TPCN1: variants seen among roughly 807,000 people sequenced by gnomAD.
TPCN1 encodes the protein two pore segment channel 1.
TPCN1 carries 52 observed loss-of-function variants against 108.8 expected under a neutral mutation model. The ratio of observed to expected loss-of-function variants is 0.48; its 90% confidence interval spans 0.38 to 0.60. TPCN1 has a LOEUF of 0.60. Ranked by LOEUF, TPCN1 falls within the 20% of genes least tolerant of loss-of-function variation. The pLI is 0.00. For missense variants in TPCN1, 806 were observed against 1,072.8 expected (o/e 0.75, Z 3.47); for synonymous variants, 446 against 433.7 (o/e 1.03, Z -0.35).
At chr12:113,260,334 G>A in intron 2 of TPCN1, 34 bp from the exon 3 acceptor site, 1 of 1,473,870 alleles carries the variant, frequency 6.8e-7, no homozygotes, top group Non-Finnish European at 9.0e-7. Context: ...TTAAGCCTGG[G>A]TGCCAAGTGA....
intron 3 of TPCN1, among the ~76,000 whole-genome samples, chr12:113,261,775 T>C (rs1955048116): frequency 6.6e-6 from 1 of 152,222 alleles, no homozygotes; most frequent in Non-Finnish European, 1.5e-5. Context: ...CTAATTTACT[T>C]AACCTGATAA....
intron 2 of TPCN1, 200 bp from the exon 3 acceptor site, chr12:113,260,167 CT>C (rs1954972440): frequency 2.0e-6 from 1 of 494,010 alleles, no homozygotes; most frequent in Non-Finnish European, 3.3e-6. Context: ...GCTTTTTTCA[CT>C]TATCAAGAGA....
Position 113,252,307 on chromosome 12 carries a change from G to A in TPCN1, c.113-8061G>A, listed in dbSNP as rs543371450. ...AATGGCCTGCACCGTGGGACGCGTC[G>A]GGCCACCTGGTCCCAGGGATGCTGC... On this transcript the variant is annotated intron_variant, in intron 2 of 27. Transcript: ENST00000335509. 3.7e-3 allele frequency among the ~76,000 whole-genome samples: 556 copies of A among 152,244 alleles called. 2 individuals carry two copies. The highest frequency in any genetic ancestry group is 5.8e-3 in the Non-Finnish European group (397 of 68,018).
chr12:113,221,985 G>A (rs1005512001), intron 1 of TPCN1, among the ~76,000 whole-genome samples: 1 of 152,156 alleles, frequency 6.6e-6, no homozygotes, highest in Non-Finnish European at 1.5e-5. Context: ...GGGTCAGGCT[G>A]CCCCAGCGGA....
At position 113,276,952 on chromosome 12, in the gene TPCN1, A is replaced by AT; in HGVS notation, c.978dup (p.Glu327Ter). The stretch of plus-strand genomic sequence containing the variant: ...TGTGGTGTTCGACACCTTCAATGAC[A>AT]TTGAGAAACGCAAGTTCAAGTCTTT... On this transcript the variant is annotated frameshift_variant, in exon 11 of 28. Coordinates refer to ENST00000335509, the MANE Select transcript of TPCN1 (RefSeq NM_017901.6). LOFTEE classifies it high-confidence loss of function. 1.2e-6 allele frequency: 2 copies of AT among 1,613,996 alleles called. No homozygotes were observed. Among genetic ancestry groups the AT allele is most frequent in the Non-Finnish European group, 1.7e-6 (2 of 1,179,998 alleles).
chr12:113,239,816 CTG>C (rs1954035588), intron 2 of TPCN1, among the ~76,000 whole-genome samples: 1 of 152,214 alleles, frequency 6.6e-6, no homozygotes, highest in Non-Finnish European at 1.5e-5. Flanking sequence ...TGTAGACTGC[CTG>C]TCTCTCTTTT....
intron 7 of TPCN1, among the ~76,000 whole-genome samples, chr12:113,271,200 T>C (rs1213733518): frequency 6.6e-6 from 1 of 152,076 alleles, no homozygotes; most frequent in African/African-American, 2.4e-5. Flanking sequence ...CACCTGAGCA[T>C]GGGGAGACAG....
chr12:113,293,818 A>G (rs1956346055), intron 27 of TPCN1, among the ~76,000 whole-genome samples: 1 of 152,164 alleles, frequency 6.6e-6, no homozygotes, highest in Non-Finnish European at 1.5e-5. Flanking sequence ...AATAGGAAGA[A>G]GGCCCTACTG....
At chr12:113,250,574 C>T (rs1030514171) in intron 2 of TPCN1, among the ~76,000 whole-genome samples, 5 of 152,236 alleles carry the variant, frequency 3.3e-5, no homozygotes, top group African/African-American at 1.2e-4. Flanking sequence ...TAGGAGCTGA[C>T]CTTGGGCAGG....
rs988798592 is a variant in TPCN1 at position 113,286,059 on chromosome 12, G to A, written c.1526+98G>A. The stretch of plus-strand genomic sequence containing the variant: ...CTGATCCCGGGCCATTTCTGGAATC[G>A]CAGAGGGAGGGTCTGAGGATGGGCT... On this transcript the variant is annotated intron_variant, in intron 18 of 27. Transcript: ENST00000335509. 4.7e-5 allele frequency: 52 copies of A among 1,099,860 alleles called. No individual in the cohort carries two copies. The African/African-American group carries it at 5.5e-4, about 12-fold the overall frequency. The allele number at this position is 1,099,860 out of a possible 1,614,324, so 68.1% of individuals were successfully genotyped here. A position where few individuals can be genotyped will look rare whatever the true frequency, so the allele number is the denominator to read the frequency against.
intron 2 of TPCN1, chr12:113,244,171 A>G: frequency 3.0e-6 from 1 of 332,120 alleles, no homozygotes; most frequent in Non-Finnish European, 4.3e-6. Flanking sequence ...GAGGAGACAC[A>G]GGGCATTATC....
intron 3 of TPCN1, among the ~76,000 whole-genome samples, chr12:113,262,588 G>A (rs561040905): frequency 6.6e-6 from 1 of 152,290 alleles, no homozygotes; most frequent in African/African-American, 2.4e-5. Context: ...ACTTGTTAAT[G>A]ATCTAGCAGG....
chr12:113,293,005 G>C lies in TPCN1; in HGVS notation c.2185G>C (p.Glu729Gln). 1 of 1,613,354 alleles carries C rather than the reference G, an allele frequency of 6.2e-7. No homozygotes were observed. The highest frequency in any genetic ancestry group is 2.2e-5 in the East Asian group (1 of 44,876). Residue 729 changes from glutamate to glutamine, a missense_variant, in exon 26 of 28, where the codon GAG (glutamate) becomes CAG (glutamine). Glu to Gln is a conservative substitution (Grantham distance 29). Transcript: ENST00000335509. ...GGTTGCCGTCCTGGAGCTCTACCGG[G>C]AGGCACGGGGGGCCTCCTCGGATGT... ...ELVAVLELYREARGASSDVTR... is the reference protein window; with the variant it reads ...ELVAVLELYRQARGASSDVTR...
intron 2 of TPCN1, among the ~76,000 whole-genome samples, chr12:113,249,162 C>T (rs1248867218): frequency 6.6e-6 from 1 of 152,212 alleles, no homozygotes; most frequent in Non-Finnish European, 1.5e-5. Flanking sequence ...CTCCTGCCCC[C>T]AGTCACTTGT....
At chr12:113,228,025 C>G (rs1953537792) in intron 2 of TPCN1, among the ~76,000 whole-genome samples, 1 of 152,202 alleles carries the variant, frequency 6.6e-6, no homozygotes, top group African/African-American at 2.4e-5. Context: ...CTTGATTTTT[C>G]CCCAAGTGCC....
chr12:113,273,547 G>C lies in TPCN1; in HGVS notation c.843-22G>C, dbSNP rs773272459. 1 of 1,591,282 alleles carries C rather than the reference G, an allele frequency of 6.3e-7. No individual in the cohort carries two copies. The highest frequency in any genetic ancestry group is 8.6e-7 in the Non-Finnish European group (1 of 1,159,314). ...TGGAGACAGGCAGATACAGCACGCC[G>C]GGTCACCCTCTGCAAATACAGTTTC... On this transcript the variant is annotated intron_variant, in intron 9 of 27. Coordinates refer to ENST00000335509, the MANE Select transcript of TPCN1 (RefSeq NM_017901.6). The surrounding 1 kb of genome is among the most constrained non-coding windows in gnomAD (Gnocchi z 4.0).
chr12:113,261,308 C>T (rs1296041684), intron 3 of TPCN1, among the ~76,000 whole-genome samples: 1 of 150,774 alleles, frequency 6.6e-6, no homozygotes, highest in African/African-American at 2.4e-5. Context: ...TTATTTCCTT[C>T]CAGGTTTAAA....
At chr12:113,265,725 T>C (rs1423568707) in intron 3 of TPCN1, among the ~76,000 whole-genome samples, 8 of 152,162 alleles carry the variant, frequency 5.3e-5, no homozygotes, top group Non-Finnish European at 1.0e-4. Context: ...CTCAAACTCA[T>C]GGGCTCAAGC....
intron 2 of TPCN1, among the ~76,000 whole-genome samples, chr12:113,250,937 G>C (rs1472783296): frequency 6.6e-6 from 1 of 151,242 alleles, no homozygotes; most frequent in Non-Finnish European, 1.5e-5. Context: ...CTGTACTCCA[G>C]CCTGGGCGAC....
Sources: allele counts gnomAD v4.1 joint callset (sites outside exome capture counted in the v4.1 genomes callset), GRCh38; gene constraint gnomAD v4.1.1; non-coding constraint Gnocchi (gnomAD v3.1); transcripts MANE v1.5; gene names NCBI Gene and HGNC (gene_info 2026-07-23, HGNC 2026-07-21).